The following ZSCAN2 variants were observed in gnomAD, a reference collection of about 807,000 sequenced individuals.
The protein encoded by ZSCAN2 is zinc finger and SCAN domain-containing protein 2.
A neutral mutation model predicts 47.8 loss-of-function variants in ZSCAN2; 26 were observed. The ratio of observed to expected loss-of-function variants is 0.54; its 90% CI spans 0.40 to 0.75. The LOEUF is 0.75. Among genes scored for constraint, ZSCAN2 ranks in the 30% least tolerant of loss-of-function variants. The pLI is 0.00. For synonymous variants in ZSCAN2, 305 were observed against 288.7 expected, an observed-to-expected ratio of 1.06 and a Z score of -0.57; for missense variants, 732 against 785.4, an observed-to-expected ratio of 0.93 and a Z score of 0.81.
intron 1 of ZSCAN2, among the ~76,000 whole-genome samples, chr15:84,602,735 C>T (rs1040639548): frequency 6.6e-6 from 1 of 151,912 alleles, no homozygotes; most frequent in Non-Finnish European, 1.5e-5. Context: ...ATTACAGGCG[C>T]CCGTCACCAT....
Position 84,621,536 on chromosome 15 carries a change from G to T in ZSCAN2, c.1341G>T (p.Lys447Asn), listed in dbSNP as rs774960524. Residue 447 changes from lysine to asparagine, a missense_variant, in exon 3 of 3, where the codon AAG (lysine) becomes AAT (asparagine). By Grantham distance (94) the Lys-to-Asn change is moderately conservative. Around this residue, in one of 2 missense-constraint regions of ZSCAN2, gnomAD observed 412 missense variants for 498.0 expected, o/e 0.83. Coordinates refer to ENST00000546148, the MANE Select transcript of ZSCAN2 (RefSeq NM_181877.4). The surrounding 1 kb of genome is among the most constrained non-coding windows in gnomAD (Gnocchi z 5.7). ...CCCACATGGTGGAGAAGCCCTATAA[G>T]TGTGGGGTGTGTGGGAAGAGCTTCA... ...RRTHMVEKPY[K>N]CGVCGKSFSQ... 6.2e-7 allele frequency: 1 copy of T among 1,613,562 alleles called. No individual in the cohort carries two copies. Among genetic ancestry groups the T allele is most frequent in the African/African-American group, 1.3e-5 (1 of 74,736 alleles).
rs756195866 is a variant in ZSCAN2 at position 84,621,866 on chromosome 15, C to G, written c.1671C>G (p.Pro557=). The change falls in exon 3 of 3, where the codon CCC becomes CCG. Residue 557 remains proline (P), a synonymous_variant. Coordinates refer to ENST00000546148, the MANE Select transcript of ZSCAN2 (RefSeq NM_181877.4). The surrounding 1 kb of genome is among the most constrained non-coding windows in gnomAD (Gnocchi z 5.7). ...MHQRAHLGDK[P]YRCPECGKGF... ...AGAGAGCCCATTTGGGAGACAAGCC[C>G]TACAGGTGCCCTGAGTGTGGGAAAG... 1.2e-6 allele frequency: 2 copies of G among 1,614,206 alleles called. No homozygotes were observed. The highest frequency in any genetic ancestry group is 8.5e-7 in the Non-Finnish European group (1 of 1,180,040).
intron 2 of ZSCAN2, among the ~76,000 whole-genome samples, chr15:84,612,511 G>T (rs1462457403): frequency 2.0e-5 from 3 of 152,280 alleles, no homozygotes; most frequent in East Asian, 1.9e-4. Context: ...GAGGCAGGTG[G>T]ATCACGAGGT....
chr15:84,607,117 T>C (rs898944134), intron 2 of ZSCAN2, among the ~76,000 whole-genome samples: 8 of 152,176 alleles, frequency 5.3e-5, no homozygotes, highest in African/African-American at 1.9e-4. Flanking sequence ...CGGACCTATA[T>C]TAATAGATTA....
intron 2 of ZSCAN2, among the ~76,000 whole-genome samples, chr15:84,604,790 T>G (rs1437161379): frequency 2.7e-4 from 39 of 143,040 alleles, no homozygotes; most frequent in African/African-American, 1.0e-3. Flanking sequence ...CAGGCTGGGG[T>G]GCAGTGGCAC....
At chr15:84,607,634 A>G (rs1333729731) in intron 2 of ZSCAN2, among the ~76,000 whole-genome samples, 1 of 151,864 alleles carries the variant, frequency 6.6e-6, no homozygotes, top group Non-Finnish European at 1.5e-5. Context: ...TCAGCCTCCC[A>G]AGTAGCTGGG....
chr15:84,614,390 A>C (rs1387187049), intron 2 of ZSCAN2: 1 of 152,328 alleles, frequency 6.6e-6, no homozygotes, highest in Non-Finnish European at 1.5e-5. Flanking sequence ...CAATCAACGA[A>C]CATATCCTAT....
chr15:84,610,323 T>A (rs1411713634), intron 2 of ZSCAN2, among the ~76,000 whole-genome samples: 7 of 152,172 alleles, frequency 4.6e-5, no homozygotes, highest in Non-Finnish European at 1.0e-4. Context: ...AAATGACATG[T>A]GAGAGAATAT....
Position 84,622,203 on chromosome 15 carries a change from G to A in ZSCAN2, c.*163G>A. The A allele has an allele frequency of 1.5e-6, 1 of 688,202 alleles. No homozygotes were observed. The highest frequency in any genetic ancestry group is 2.5e-6 in the Non-Finnish European group (1 of 400,910). 42.6% of individuals were successfully genotyped at this position (688,202 alleles called of 1,614,324 possible). A position where few individuals can be genotyped will look rare whatever the true frequency, so the allele number is the denominator to read the frequency against. ...ATTTCCAGGACACTGTCATTTTAGT[G>A]GTCTGAGTCAAGTCCCGTATACATT... On this transcript the variant is annotated 3_prime_UTR_variant, in exon 3 of 3. Coordinates refer to ENST00000546148, the MANE Select transcript of ZSCAN2 (RefSeq NM_181877.4).
At chr15:84,611,812 A>C (rs1470433271) in intron 2 of ZSCAN2, 2 of 152,226 alleles carry the variant, frequency 1.3e-5, no homozygotes, top group African/African-American at 4.8e-5. Context: ...CCTCTTACTC[A>C]TAAGCCTGCT....
At chr15:84,620,361 G>A (rs1895787396) in intron 2 of ZSCAN2, among the ~76,000 whole-genome samples, 1 of 152,132 alleles carries the variant, frequency 6.6e-6, no homozygotes, top group Non-Finnish European at 1.5e-5. Context: ...CATTTGGGTT[G>A]ATTCTATGTC....
chr15:84,621,134 G>A lies in ZSCAN2; in HGVS notation c.939G>A (p.Lys313=). ...EKPFQCAECG[K]SFSRSPNLIA... ...CCTTCCAGTGTGCCGAGTGTGGCAA[G>A]AGCTTCAGCAGGAGTCCCAACCTCA... Residue 313 remains lysine (K), a synonymous_variant, in exon 3 of 3, where the codon AAG becomes AAA. Transcript: ENST00000546148. This position sits in a 1 kb window ranked among gnomAD's most constrained non-coding sequence, Gnocchi z 5.7. The A allele has an allele frequency of 6.2e-7, 1 of 1,613,840 alleles. No individual in the cohort carries two copies. The highest frequency in any genetic ancestry group is 1.1e-5 in the South Asian group (1 of 91,062).
rs1282792814 is a variant in ZSCAN2 at position 84,616,449 on chromosome 15, G to A, written c.407-4153G>A. 5 of 1,553,340 alleles carry A rather than the reference G, an allele frequency of 3.2e-6. No individual in the cohort carries two copies. In the African/African-American group the frequency reaches 4.1e-5, roughly 13 times the overall value. The stretch of plus-strand genomic sequence containing the variant: ...GTGATTTTCTGCCTGAGCTTTCTGA[G>A]TTCTGTTCCCTCCCACCCCAGGGCT... On this transcript the variant is annotated intron_variant, in intron 2 of 2. Coordinates refer to ENST00000546148, the MANE Select transcript of ZSCAN2 (RefSeq NM_181877.4).
At chr15:84,601,166 C>CA (rs1895189268) in intron 1 of ZSCAN2, 31 bp downstream of exon 1, 2 of 152,310 alleles carry the variant, frequency 1.3e-5, no homozygotes, top group African/African-American at 4.8e-5. Context: ...TGGAGCCACG[C>CA]GGACCCCGGG....
rs142275625 is a variant in ZSCAN2 at position 84,620,782 on chromosome 15, A to C, written c.587A>C (p.His196Pro). ...CAGGGACACAGCCCAGGTGAGGACC[A>C]CGGGGAGGTGGTTTCTCAGGACAGG... ...RLQGHSPGED[H>P]GEVVSQDREV... The change falls in exon 3 of 3, where the codon CAC (histidine) becomes CCC (proline). Residue 196 changes from histidine to proline, a missense_variant. This residue lies in a region of ZSCAN2 where 320 missense variants were observed against 287.4 expected (regional missense o/e 1.11). Coordinates refer to ENST00000546148, the MANE Select transcript of ZSCAN2 (RefSeq NM_181877.4). 10,499 of 1,614,216 alleles carry C rather than the reference A, an allele frequency of 6.5e-3. 66 individuals are homozygous for C. Among genetic ancestry groups the C allele is most frequent in the Non-Finnish European group, 6.5e-3 (7,721 of 1,180,044 alleles).
At chr15:84,619,281 T>C (rs1847292501) in intron 2 of ZSCAN2, among the ~76,000 whole-genome samples, 1 of 151,992 alleles carries the variant, frequency 6.6e-6, no homozygotes, top group Admixed American at 6.6e-5. Flanking sequence ...ATACAAAAAA[T>C]TAGCCGGGTG....
intron 2 of ZSCAN2, among the ~76,000 whole-genome samples, chr15:84,617,446 G>C (rs1306977818): frequency 6.6e-6 from 1 of 151,966 alleles, no homozygotes; most frequent in African/African-American, 2.4e-5. Flanking sequence ...AAAAAAGACT[G>C]TCTTGCAGGA....
intron 2 of ZSCAN2, among the ~76,000 whole-genome samples, chr15:84,616,058 A>G (rs1402925371): frequency 6.6e-6 from 1 of 151,930 alleles, no homozygotes; most frequent in African/African-American, 2.4e-5. Flanking sequence ...ACATGGCGAC[A>G]CCCCATCTCT....
At chr15:84,619,735 A>G (rs961186793) in intron 2 of ZSCAN2, among the ~76,000 whole-genome samples, 5 of 152,150 alleles carry the variant, frequency 3.3e-5, no homozygotes, top group Admixed American at 6.6e-5. Flanking sequence ...ACCAGGCATT[A>G]TGGTGAGTGT....
Sources: gnomAD v4.1 joint callset for allele counts (sites outside exome capture counted in the v4.1 genomes callset) on GRCh38, gnomAD v4.1.1 for gene constraint, gnomAD v4.1.1 regional missense constraint, Gnocchi (gnomAD v3.1) non-coding constraint, MANE v1.5 for transcripts, NCBI Gene and HGNC (gene_info 2026-07-23, HGNC 2026-07-21) for gene names.